The following RPIA variants were observed in gnomAD, a reference collection of about 807,000 sequenced individuals.
The protein encoded by RPIA is ribose 5-phosphate isomerase A.
A neutral mutation model predicts 37.8 loss-of-function variants in RPIA; 29 were observed. The ratio of observed to expected loss-of-function variants is 0.77; its 90% CI spans 0.57 to 1.05. The LOEUF is 1.05. RPIA is among the 50% of genes least tolerant of loss of function. The pLI is 0.00. For missense variants in RPIA, 385 were observed against 413.6 expected (o/e 0.93, Z 0.60); for synonymous variants, 167 against 157.0 (o/e 1.06, Z -0.48).
chr2:88,727,743 T>C (rs556773951), intron 3 of RPIA, among the ~76,000 whole-genome samples: 5 of 152,352 alleles, frequency 3.3e-5, no homozygotes, highest in African/African-American at 1.2e-4. Flanking sequence ...AACGGCTGCA[T>C]AGTTCTGATA....
chr2:88,695,121 C>A (rs1230595304), intron 1 of RPIA, among the ~76,000 whole-genome samples: 5 of 152,144 alleles, frequency 3.3e-5, no homozygotes, highest in Admixed American at 6.5e-5. Context: ...TTCTTACATG[C>A]CTTTACCTAT....
At chr2:88,716,250 G>A (rs935576280) in intron 3 of RPIA, among the ~76,000 whole-genome samples, 15 of 152,128 alleles carry the variant, frequency 9.9e-5, no homozygotes, top group African/African-American at 2.2e-4. Flanking sequence ...CCCCTTCCCC[G>A]CCTCAAGTTG....
intron 8 of RPIA, among the ~76,000 whole-genome samples, chr2:88,739,197 AG>A: frequency 6.6e-6 from 1 of 152,334 alleles, no homozygotes; most frequent in South Asian, 2.1e-4. Context: ...TGCGAGACTA[AG>A]AGGCTAACGG....
At chr2:88,692,063 G>C in intron 1 of RPIA, 80 bp downstream of exon 1, 1 of 1,498,738 alleles carries the variant, frequency 6.7e-7, no homozygotes, top group East Asian at 2.5e-5. Context: ...GGTGCTGCCG[G>C]GGCGCGCCTA....
chr2:88,721,504 T>C (rs1229157156), intron 3 of RPIA, among the ~76,000 whole-genome samples: 3 of 146,178 alleles, frequency 2.1e-5, no homozygotes, highest in Non-Finnish European at 3.0e-5. Flanking sequence ...TTAATATATG[T>C]TAATATAAAA....
At chr2:88,715,732 T>G (rs1673026670) in intron 3 of RPIA, among the ~76,000 whole-genome samples, 1 of 152,214 alleles carries the variant, frequency 6.6e-6, no homozygotes, top group South Asian at 2.1e-4. Context: ...CTGGCCTAGG[T>G]TTTTTGTTTC....
At chr2:88,695,770 C>T (rs1300012285) in intron 1 of RPIA, among the ~76,000 whole-genome samples, 1 of 152,136 alleles carries the variant, frequency 6.6e-6, no homozygotes, top group East Asian at 1.9e-4. Flanking sequence ...CAGCCCAAGC[C>T]CCTGATGTAT....
intron 4 of RPIA, 44 bp downstream of exon 4, chr2:88,729,381 G>A (rs200168324): frequency 1.5e-5 from 24 of 1,558,418 alleles, no homozygotes; most frequent in East Asian, 1.3e-4. Flanking sequence ...ATTTCTTTCC[G>A]CTTTTTTATG....
In RPIA at chr2:88,750,110, G is replaced by A. The variant is rs1350324516; in HGVS notation, c.*32G>A. On this transcript the variant is annotated 3_prime_UTR_variant, in exon 9 of 9. Transcript: ENST00000283646. ...AAGGAGCAGAGTGTGTTCACCTTGA[G>A]TCTCCAGCCCACAGCCAAGGTGGAC... 6.7e-7 allele frequency: 1 copy of A among 1,499,936 alleles called. No homozygotes were observed. The highest frequency in any genetic ancestry group is 1.4e-5 in the African/African-American group (1 of 72,542). 92.9% of individuals were successfully genotyped at this position (1,499,936 alleles called of 1,614,324 possible). A position where few individuals can be genotyped will look rare whatever the true frequency, so the allele number is the denominator to read the frequency against.
intron 4 of RPIA, among the ~76,000 whole-genome samples, chr2:88,733,763 C>T (rs1673280470): frequency 6.6e-6 from 1 of 152,200 alleles, no homozygotes; most frequent in African/African-American, 2.4e-5. Context: ...CTGCATACTA[C>T]TTGCTGTCTT....
intron 3 of RPIA, among the ~76,000 whole-genome samples, chr2:88,723,615 A>G (rs1673160594): frequency 1.3e-5 from 2 of 152,276 alleles, no homozygotes; most frequent in Middle Eastern, 3.4e-3. Flanking sequence ...AAGCACTGAT[A>G]GATTTGTCAA....
intron 3 of RPIA, among the ~76,000 whole-genome samples, chr2:88,704,004 C>G (rs1353839209): frequency 6.6e-6 from 1 of 152,222 alleles, no homozygotes; most frequent in Non-Finnish European, 1.5e-5. Context: ...CTGCCAGTCT[C>G]TTTGCTAAAA....
At chr2:88,695,595 A>G (rs948290687) in intron 1 of RPIA, among the ~76,000 whole-genome samples, 9 of 152,210 alleles carry the variant, frequency 5.9e-5, no homozygotes, top group Admixed American at 2.6e-4. Flanking sequence ...TATGTGAGAT[A>G]TTTAGCCATT....
chr2:88,747,554 C>A (rs1247022811), intron 8 of RPIA, among the ~76,000 whole-genome samples: 1 of 152,200 alleles, frequency 6.6e-6, no homozygotes, highest in Non-Finnish European at 1.5e-5. Context: ...GTTCTGCTGG[C>A]TGCCTTTTTT....
In RPIA at chr2:88,703,184, T is replaced by C. The variant is rs140191478; in HGVS notation, c.402+3120T>C. Among the ~76,000 whole-genome samples the C allele has an allele frequency of 6.3e-3, 954 of 152,256 alleles. 18 individuals are homozygous for C. Among genetic ancestry groups the C allele is most frequent in the African/African-American group, 0.022 (905 of 41,542 alleles). On this transcript the variant is annotated intron_variant, in intron 3 of 8. Transcript: ENST00000283646. The stretch of plus-strand genomic sequence containing the variant: ...TGGGCTGGCATTGAGTGTCTGCAGC[T>C]TTTCCAGGTGCATGGTGCAAGCTGT...
intron 1 of RPIA, among the ~76,000 whole-genome samples, chr2:88,693,526 A>C (rs1026692348): frequency 6.6e-6 from 1 of 152,130 alleles, no homozygotes; most frequent in Non-Finnish European, 1.5e-5. Context: ...GTAGCACTTC[A>C]TGCCTCTTAT....
intron 8 of RPIA, among the ~76,000 whole-genome samples, chr2:88,745,815 T>C (rs1673432036): frequency 6.6e-6 from 1 of 152,222 alleles, no homozygotes; most frequent in Non-Finnish European, 1.5e-5. Flanking sequence ...TATTTGGATG[T>C]CTAGATTTCC....
chr2:88,719,319 T>G (rs1450020171), intron 3 of RPIA, among the ~76,000 whole-genome samples: 2 of 152,168 alleles, frequency 1.3e-5, no homozygotes, highest in Non-Finnish European at 2.9e-5. Flanking sequence ...TTATAGGAGT[T>G]TCCCATAATT....
At chr2:88,713,292 G>A (rs1361707487) in intron 3 of RPIA, among the ~76,000 whole-genome samples, 1 of 149,484 alleles carries the variant, frequency 6.7e-6, no homozygotes, top group Non-Finnish European at 1.5e-5. Flanking sequence ...CTCCTGAATA[G>A]CTGGAATACA....
Sources: gnomAD v4.1 joint callset for allele counts (sites outside exome capture counted in the v4.1 genomes callset) on GRCh38, gnomAD v4.1.1 for gene constraint, MANE v1.5 for transcripts, NCBI Gene and HGNC (gene_info 2026-07-23, HGNC 2026-07-21) for gene names.